The following C2orf76 variants were observed in gnomAD, a reference collection of about 807,000 sequenced individuals.
The protein encoded by C2orf76 is UPF0538 protein C2orf76.
A neutral mutation model predicts 16.9 loss-of-function variants in C2orf76; 23 were observed. That is an observed-to-expected ratio of 1.36 (90% CI 0.98 to 1.93). C2orf76 has a LOEUF of 1.93. Among genes scored for constraint, C2orf76 ranks in the 30% most tolerant of loss-of-function variants. The probability of loss-of-function intolerance (pLI) is 0.00; values close to 1 mark genes in which losing one functional copy is unlikely to be tolerated. For synonymous variants in C2orf76, 48 were observed against 52.3 expected, an observed-to-expected ratio of 0.92 and a Z score of 0.35; for missense variants, 152 against 152.6, an observed-to-expected ratio of 1.00 and a Z score of 0.02.
At chr2:119,282,884 C>A in the C2orf76 span, among the ~76,000 whole-genome samples, 1 of 152,212 alleles carries the variant, frequency 6.6e-6, no homozygotes, top group Non-Finnish European at 1.5e-5. Flanking sequence ...TCACTAACCA[C>A]CCCCGCTTCA....
At chr2:119,299,688 C>T (rs1678587512), downstream of C2orf76, among the ~76,000 whole-genome samples, 1 of 152,022 alleles carries the variant, frequency 6.6e-6, no homozygotes, top group Non-Finnish European at 1.5e-5. Flanking sequence ...AGTGAAAATA[C>T]TCTATATGTA....
chr2:119,344,353 G>A (rs1680133791), intron 1 of C2orf76, among the ~76,000 whole-genome samples: 1 of 152,108 alleles, frequency 6.6e-6, no homozygotes, highest in South Asian at 2.1e-4. Flanking sequence ...TTAAAAAAGT[G>A]AATCTGATCA....
intron 1 of C2orf76, among the ~76,000 whole-genome samples, chr2:119,354,293 G>C (rs1240921434): frequency 6.6e-6 from 1 of 152,192 alleles, no homozygotes; most frequent in East Asian, 1.9e-4. Context: ...GCAGATCACT[G>C]ACGGATCACT....
Position 119,305,996 on chromosome 2 carries a change from C to T in C2orf76, c.305-3448G>A, listed in dbSNP as rs371866927. Among the ~76,000 whole-genome samples the T allele has an allele frequency of 1.5e-4, 22 of 151,528 alleles. 1 individual carries two copies. The highest frequency in any genetic ancestry group is 5.3e-4 in the African/African-American group (22 of 41,314). ...GGTCTTTGATAGACTGGGTACATGCCTGTAATTTCCACCATGGTGTGGGAA... is the reference window on the plus strand; with the variant it reads ...GGTCTTTGATAGACTGGGTACATGCTTGTAATTTCCACCATGGTGTGGGAA... On this transcript the variant is annotated intron_variant, in intron 5 of 5. Transcript: ENST00000334816.
chr2:119,311,117 T>C (rs1300785113), intron 5 of C2orf76: 1 of 971,662 alleles, frequency 1.0e-6, no homozygotes, highest in Non-Finnish European at 1.2e-6. Context: ...ATGCACATTC[T>C]AGGCTGGAAG....
intron 1 of C2orf76, among the ~76,000 whole-genome samples, chr2:119,342,318 A>G (rs1006898475): frequency 2.6e-5 from 4 of 152,208 alleles, no homozygotes; most frequent in African/African-American, 9.7e-5. Context: ...TTCGTTTGAT[A>G]GGAGACAATT....
At chr2:119,354,879 G>A (rs989255202) in intron 1 of C2orf76, among the ~76,000 whole-genome samples, 4 of 152,178 alleles carry the variant, frequency 2.6e-5, no homozygotes, top group Non-Finnish European at 4.4e-5. Flanking sequence ...TGCTGTAACT[G>A]CTTTACTGCA....
intron 1 of C2orf76, among the ~76,000 whole-genome samples, chr2:119,343,625 A>C (rs1401751148): frequency 6.6e-6 from 1 of 152,098 alleles, no homozygotes; most frequent in Non-Finnish European, 1.5e-5. Flanking sequence ...TATAAATAAG[A>C]ATTCCTTAAA....
At chr2:119,289,141 CCA>C in the C2orf76 span, among the ~76,000 whole-genome samples, 1 of 152,020 alleles carries the variant, frequency 6.6e-6, no homozygotes, top group Admixed American at 6.6e-5. Flanking sequence ...CCGAGGAAGG[CCA>C]GTTACCAGGA....
intron 1 of C2orf76, among the ~76,000 whole-genome samples, chr2:119,352,637 G>A (rs116324287): frequency 0.01 from 1,581 of 152,320 alleles, 24 homozygotes; most frequent in African/African-American, 0.035. Flanking sequence ...GGTATTTATA[G>A]ACAGAAAATA....
intron 3 of C2orf76, among the ~76,000 whole-genome samples, chr2:119,319,574 C>A (rs903804455): frequency 2.0e-4 from 31 of 152,204 alleles, no homozygotes; most frequent in Admixed American, 2.0e-3. Context: ...GAGCAGCCCA[C>A]ACTGTACAAC....
Position 119,324,679 on chromosome 2 carries a change from G to C in C2orf76, c.134-3475C>G, listed in dbSNP as rs116816528. On this transcript the variant is annotated intron_variant, in intron 2 of 5. Coordinates refer to ENST00000334816, the MANE Select transcript of C2orf76 (RefSeq NM_001322331.2). ...ACACTGAGGTCTCAAGAAGTGCCTG[G>C]TCAGCCCAAGGTGTCAAGAGCTGGG... 4.0e-3 allele frequency among the ~76,000 whole-genome samples: 615 copies of C among 152,272 alleles called. 4 individuals carry two copies. The highest frequency in any genetic ancestry group is 0.011 in the African/African-American group (466 of 41,550).
At chr2:119,285,827 C>A in the C2orf76 span, among the ~76,000 whole-genome samples, 1 of 152,064 alleles carries the variant, frequency 6.6e-6, no homozygotes, top group African/African-American at 2.4e-5. Flanking sequence ...AATAACAGAC[C>A]CTTGCATTTA....
intron 1 of C2orf76, among the ~76,000 whole-genome samples, chr2:119,346,437 C>T (rs944616295): frequency 3.3e-5 from 5 of 152,144 alleles, no homozygotes; most frequent in Admixed American, 2.6e-4. Flanking sequence ...ATATCCATAT[C>T]ATGAAATACT....
At chr2:119,343,205 T>C (rs1474522900) in intron 1 of C2orf76, among the ~76,000 whole-genome samples, 1 of 152,208 alleles carries the variant, frequency 6.6e-6, no homozygotes, top group Non-Finnish European at 1.5e-5. Context: ...CTATTTCTTA[T>C]TAAATCTGGC....
rs116696962 is a variant in C2orf76 at position 119,305,821 on chromosome 2, G to T, written c.305-3273C>A. Among the ~76,000 whole-genome samples, 772 of 151,676 alleles carry T rather than the reference G, an allele frequency of 5.1e-3. 8 individuals carry two copies. Among genetic ancestry groups the T allele is most frequent in the African/African-American group, 0.017 (699 of 41,312 alleles). On this transcript the variant is annotated intron_variant, in intron 5 of 5. Coordinates refer to ENST00000334816, the MANE Select transcript of C2orf76 (RefSeq NM_001322331.2). ...TTCTAAGTTTTCATCACCAACAGACGTCCCAAGTGCTGTGCCTTTTATTTC... is the reference window on the plus strand; with the variant it reads ...TTCTAAGTTTTCATCACCAACAGACTTCCCAAGTGCTGTGCCTTTTATTTC...
intron 5 of C2orf76, among the ~76,000 whole-genome samples, chr2:119,304,451 G>T (rs1172826279): frequency 6.6e-6 from 1 of 152,206 alleles, no homozygotes; most frequent in Non-Finnish European, 1.5e-5. Flanking sequence ...AAAGCAAGGA[G>T]TTCTGTTTTG....
intron 1 of C2orf76, among the ~76,000 whole-genome samples, chr2:119,362,678 C>A (rs1252991938): frequency 6.6e-6 from 1 of 152,076 alleles, no homozygotes. Context: ...AGTGTATGAC[C>A]AACTCATGGA....
In C2orf76 at chr2:119,342,696, G is replaced by C. The variant is rs184327414; in HGVS notation, c.-12-2725C>G. The stretch of plus-strand genomic sequence containing the variant: ...TATGTACTTGGGAAGGAATAAATTG[G>C]GGCTTCAATTATATTAGTAACATTT... On this transcript the variant is annotated intron_variant, in intron 1 of 5. Coordinates refer to ENST00000334816, the MANE Select transcript of C2orf76 (RefSeq NM_001322331.2). 2.7e-3 allele frequency among the ~76,000 whole-genome samples: 413 copies of C among 152,180 alleles called. 10 individuals are homozygous for C. Among genetic ancestry groups the C allele is most frequent in the Non-Finnish European group, 5.4e-4 (37 of 67,996 alleles).
Sources: gnomAD v4.1 joint callset for allele counts (sites outside exome capture counted in the v4.1 genomes callset) on GRCh38, gnomAD v4.1.1 for gene constraint, MANE v1.5 for transcripts, NCBI Gene and HGNC (gene_info 2026-07-23, HGNC 2026-07-21) for gene names.